ROBO3: variants seen among roughly 807,000 people sequenced by gnomAD.
ROBO3 encodes roundabout guidance receptor 3.
In ROBO3, 97 loss-of-function variants were observed where a neutral mutation model predicts 160.5. The observed-to-expected ratio is 0.60, with a 90% CI of 0.51 to 0.72. ROBO3 has a LOEUF of 0.72. Among genes scored for constraint, ROBO3 ranks in the 30% least tolerant of loss-of-function variants. The probability of loss-of-function intolerance (pLI) is 0.00; values close to 1 mark genes in which losing one functional copy is unlikely to be tolerated. For synonymous variants in ROBO3, 780 were observed against 746.2 expected, an observed-to-expected ratio of 1.05 and a Z score of -0.74; for missense variants, 1,858 against 1,846.5, an observed-to-expected ratio of 1.01 and a Z score of -0.11.
In ROBO3 at chr11:124,878,119, C is replaced by G; in HGVS notation, c.3169C>G (p.Gln1057Glu). The G allele has an allele frequency of 6.2e-7, 1 of 1,606,470 alleles. No homozygotes were observed. The highest frequency in any genetic ancestry group is 8.5e-7 in the Non-Finnish European group (1 of 1,177,034). ...WSQYAPPEWSQGDSGAKGGKV... is the reference protein window; with the variant it reads ...WSQYAPPEWSEGDSGAKGGKV... ...CCAGTACGCTCCTCCAGAGTGGAGC[C>G]AGGGGGACAGTGGTATGACTCCAAC... Residue 1057 changes from glutamine to glutamate, a missense_variant, in exon 21 of 28, where the codon CAG becomes GAG. By Grantham distance (29) the Gln-to-Glu change is conservative. Coordinates refer to ENST00000397801, the MANE Select transcript of ROBO3 (RefSeq NM_022370.4). The surrounding 1 kb of genome is among the most constrained non-coding windows in gnomAD (Gnocchi z 4.3).
At position 124,865,490 on chromosome 11, in the gene ROBO3, T is replaced by C. The variant is rs1946184536; in HGVS notation, c.-88T>C. ...TGGCTGCCGCAGCGCGCAGAGGCTGTGGAGGGGCTTACGGCTCCCAGCCCA... is the reference window on the plus strand; with the variant it reads ...TGGCTGCCGCAGCGCGCAGAGGCTGCGGAGGGGCTTACGGCTCCCAGCCCA... On this transcript the variant is annotated 5_prime_UTR_variant, in exon 1 of 28. Coordinates refer to ENST00000397801, the MANE Select transcript of ROBO3 (RefSeq NM_022370.4). The surrounding 1 kb of genome is among the most constrained non-coding windows in gnomAD (Gnocchi z 5.5). 5 of 1,383,122 alleles carry C rather than the reference T, an allele frequency of 3.6e-6. No individual in the cohort carries two copies. Among genetic ancestry groups the C allele is most frequent in the Non-Finnish European group, 5.0e-6 (5 of 1,008,276 alleles). 85.7% of individuals were successfully genotyped at this position (1,383,122 alleles called of 1,614,324 possible).
In ROBO3 at chr11:124,877,253, C is replaced by T. The variant is rs1946407234; in HGVS notation, c.2804-14C>T. 1.4e-5 allele frequency: 22 copies of T among 1,613,958 alleles called. No homozygotes were observed. Among genetic ancestry groups the T allele is most frequent in the Non-Finnish European group, 1.8e-5 (21 of 1,179,870 alleles). On this transcript the variant is annotated splice_polypyrimidine_tract_variant and intron_variant, in intron 18 of 27. Transcript: ENST00000397801. Reference sequence around the variant, plus strand: ...GGCCCTTCTCTCACTCATTCGCCCCCTCATTTTCCCCAGTGTCCTTCCCGC... The same window carrying T: ...GGCCCTTCTCTCACTCATTCGCCCCTTCATTTTCCCCAGTGTCCTTCCCGC...
rs1946263779 is a variant in ROBO3 at position 124,870,290 on chromosome 11, C to T, written c.892C>T (p.Leu298=). ...ACGCTGGCGCAAGGAGGATGGGGAA[C>T]TGCCCACAGGCAGGTGAGAGACCCC... ...RLRWRKEDGE[L]PTGRYEIRSD... Residue 298 remains leucine, a synonymous_variant, in exon 5 of 28, where the codon CTG becomes TTG. Transcript: ENST00000397801. 6.2e-7 allele frequency: 1 copy of T among 1,613,856 alleles called. No homozygotes were observed. Among genetic ancestry groups the T allele is most frequent in the African/African-American group, 1.3e-5 (1 of 75,058 alleles).
At chr11:124,868,404 C>T (rs796757636) in intron 1 of ROBO3, 40 of 515,312 alleles carry the variant, frequency 7.8e-5, no homozygotes, top group African/African-American at 4.9e-4. Context: ...TGAGCAAGGA[C>T]GATCCGTGAA....
At position 124,873,922 on chromosome 11, in the gene ROBO3, T is replaced by C; in HGVS notation, c.1784+60T>C. On this transcript the variant is annotated intron_variant, in intron 11 of 27. Coordinates refer to ENST00000397801, the MANE Select transcript of ROBO3 (RefSeq NM_022370.4). The surrounding 1 kb of genome is among the most constrained non-coding windows in gnomAD (Gnocchi z 4.5). ...TTAAAAGGAGGGGATCCTATGCCCT[T>C]AGGGTCTTTGCTATTGTGAGGTGGG... is the stretch of plus-strand genomic sequence containing the variant. The C allele has an allele frequency of 6.2e-7, 1 of 1,601,590 alleles. No individual in the cohort carries two copies. The highest frequency in any genetic ancestry group is 8.5e-7 in the Non-Finnish European group (1 of 1,169,958).
chr11:124,872,414 A>T lies in ROBO3; in HGVS notation c.1192A>T (p.Thr398Ser). ...TTTCCCCAGTCAGTCACTTCAGCCG[A>T]CGGGGCGCTTCTCAGTGTCTCCAAG... Reference protein sequence around the residue: ...LLFPSQSLQPTGRFSVSPRGQ... With the variant: ...LLFPSQSLQPSGRFSVSPRGQ... The change falls in exon 8 of 28, where the codon ACG becomes TCG. Residue 398 changes from threonine to serine, a missense_variant. Thr to Ser is a moderately conservative substitution (Grantham distance 58). Coordinates refer to ENST00000397801, the MANE Select transcript of ROBO3 (RefSeq NM_022370.4). This position sits in a 1 kb window ranked among gnomAD's most constrained non-coding sequence, Gnocchi z 4.3. 6.2e-7 allele frequency: 1 copy of T among 1,613,890 alleles called. No individual in the cohort carries two copies. The highest frequency in any genetic ancestry group is 1.1e-5 in the South Asian group (1 of 91,062).
chr11:124,874,350 G>C, intron 12 of ROBO3, 114 bp downstream of exon 12: 1 of 972,542 alleles, frequency 1.0e-6, no homozygotes, highest in Non-Finnish European at 1.5e-6. Context: ...GCTATGCCAG[G>C]TCTATACTGG....
Position 124,872,513 on chromosome 11 carries a change from G to T in ROBO3, c.1291G>T (p.Gly431Cys). ...CGTGTGCCAGGCTGTCAGTGTGGCTGGCAGCATCCTGGCCAAGGCCCTGCT... is the reference window on the plus strand; with the variant it reads ...CGTGTGCCAGGCTGTCAGTGTGGCTTGCAGCATCCTGGCCAAGGCCCTGCT... ...YYVCQAVSVA[G>C]SILAKALLEI... The change falls in exon 8 of 28, where the codon GGC (glycine) becomes TGC (cysteine). Residue 431 changes from glycine to cysteine, a missense_variant. Gly to Cys is a radical substitution (Grantham distance 159). Transcript: ENST00000397801. The surrounding 1 kb of genome is among the most constrained non-coding windows in gnomAD (Gnocchi z 4.3). 6.2e-7 allele frequency: 1 copy of T among 1,613,970 alleles called. No homozygotes were observed. The highest frequency in any genetic ancestry group is 8.5e-7 in the Non-Finnish European group (1 of 1,179,860).
intron 4 of ROBO3, 46 bp from the exon 5 acceptor site, chr11:124,870,119 G>A: frequency 6.2e-7 from 1 of 1,614,016 alleles, no homozygotes; most frequent in Non-Finnish European, 8.5e-7. Flanking sequence ...TGCAGAGTAA[G>A]TAGCCGTGCA....
Position 124,874,864 on chromosome 11 carries a change from G to A in ROBO3, c.2028G>A (p.Gln676=). The change falls in exon 13 of 28, where the codon CAG becomes CAA. Residue 676 remains glutamine (Q), a synonymous_variant. Transcript: ENST00000397801. The part of the protein sequence containing the change: ...QGLAEVAVRL[Q]EPIVLGPRTL... ...TGGCGGAAGTGGCTGTGCGCCTGCA[G>A]GAGCCCATAGTCCTGGGACCCCGGA... The A allele has an allele frequency of 6.2e-7, 1 of 1,601,916 alleles. No individual in the cohort carries two copies.
chr11:124,874,952 T>C, intron 13 of ROBO3, 43 bp downstream of exon 13: 2 of 1,582,144 alleles, frequency 1.3e-6, no homozygotes, highest in South Asian at 2.3e-5. Context: ...GGGATGATTA[T>C]GAGGCACATG....
In ROBO3 at chr11:124,878,905, A is replaced by G. The variant is rs1946480653; in HGVS notation, c.3533+109A>G. 7.1e-6 allele frequency: 7 copies of G among 990,010 alleles called. No individual in the cohort carries two copies. Among genetic ancestry groups the G allele is most frequent in the Non-Finnish European group, 1.1e-5 (7 of 664,458 alleles). 61.3% of individuals were successfully genotyped at this position (990,010 alleles called of 1,614,324 possible). On this transcript the variant is annotated intron_variant, in intron 23 of 27. Coordinates refer to ENST00000397801, the MANE Select transcript of ROBO3 (RefSeq NM_022370.4). The surrounding 1 kb of genome is among the most constrained non-coding windows in gnomAD (Gnocchi z 4.3). ...ATGGGTGGATGGATCTGGGGTACAGAGGTCTCAGGGCTGTGTCAGGGTGGA... is the reference window on the plus strand; with the variant it reads ...ATGGGTGGATGGATCTGGGGTACAGGGGTCTCAGGGCTGTGTCAGGGTGGA...
rs1280084157 is a variant in ROBO3, at chr11:124,865,711, T to G, written c.134T>G (p.Leu45Arg). 5.0e-6 allele frequency: 8 copies of G among 1,610,464 alleles called. No homozygotes were observed. The highest frequency in any genetic ancestry group is 6.8e-6 in the Non-Finnish European group (8 of 1,178,844). ...CTGGCGGCGCTCAACCACACCCTGC[T>G]GCCTCCCGGCGATCCCTCTCTCAAC... ...SSLAALNHTLLPPGDPSLNGS... is the reference protein window; with the variant it reads ...SSLAALNHTLRPPGDPSLNGS... The change falls in exon 1 of 28, where the codon CTG (leucine) becomes CGG (arginine). Residue 45 changes from leucine (L) to arginine (R), a missense_variant. By Grantham distance (102) the Leu-to-Arg change is moderately radical. Coordinates refer to ENST00000397801, the MANE Select transcript of ROBO3 (RefSeq NM_022370.4). This position sits in a 1 kb window ranked among gnomAD's most constrained non-coding sequence, Gnocchi z 5.5.
In ROBO3 at chr11:124,870,280, G is replaced by C. The variant is rs764246533; in HGVS notation, c.882G>C (p.Glu294Asp). 1.2e-6 allele frequency: 2 copies of C among 1,613,980 alleles called. No individual in the cohort carries two copies. The highest frequency in any genetic ancestry group is 1.7e-6 in the Non-Finnish European group (2 of 1,179,858). The change falls in exon 5 of 28, where the codon GAG (glutamate) becomes GAC (aspartate). Residue 294 changes from glutamate (E) to aspartate (D), a missense_variant. Glu to Asp is a conservative substitution (Grantham distance 45, BLOSUM62 2). Transcript: ENST00000397801. ...CACCTCGTCTACGCTGGCGCAAGGAGGATGGGGAACTGCCCACAGGCAGGT... is the reference window on the plus strand; with the variant it reads ...CACCTCGTCTACGCTGGCGCAAGGACGATGGGGAACTGCCCACAGGCAGGT... ...DPPPRLRWRK[E>D]DGELPTGRYE...
Position 124,869,538 on chromosome 11 carries a change from C to A in ROBO3, c.576C>A (p.Gly192=). 6.4e-7 allele frequency: 1 copy of A among 1,563,776 alleles called. No homozygotes were observed. ...PAVLECVPPR[G]HPEPSVSWRK... is the part of the protein sequence containing the mutation. ...TACTGGAATGCGTGCCCCCCCGCGGCCACCCGGAGCCTTCCGTGTCCTGGA... is the reference window on the plus strand; with the variant it reads ...TACTGGAATGCGTGCCCCCCCGCGGACACCCGGAGCCTTCCGTGTCCTGGA... The change falls in exon 3 of 28, where the codon GGC becomes GGA. Residue 192 remains glycine, a synonymous_variant. Coordinates refer to ENST00000397801, the MANE Select transcript of ROBO3 (RefSeq NM_022370.4). The surrounding 1 kb of genome is among the most constrained non-coding windows in gnomAD (Gnocchi z 4.2).
Position 124,877,192 on chromosome 11 carries a change from ATC to A in ROBO3, c.2803+12_2803+13del. On this transcript the variant is annotated intron_variant, in intron 18 of 27. Transcript: ENST00000397801. ...TTGCCTACACACCGGCAGGTAAGCC[ATC>A]TCTGCCCCAGTGGGGTTCAGACCCC... 6.2e-7 allele frequency: 1 copy of A among 1,613,786 alleles called. No homozygotes were observed. Among genetic ancestry groups the A allele is most frequent in the Non-Finnish European group, 8.5e-7 (1 of 1,179,792 alleles).
rs1442414568 is a variant in ROBO3, at chr11:124,865,977, C to G, written c.160+240C>G. The stretch of plus-strand genomic sequence containing the variant: ...CTACTGAGTCTTTTTACACCTCCTT[C>G]CCTTCCCCTACAACGCCCACCCCAG... On this transcript the variant is annotated intron_variant, in intron 1 of 27. Coordinates refer to ENST00000397801, the MANE Select transcript of ROBO3 (RefSeq NM_022370.4). The surrounding 1 kb of genome is among the most constrained non-coding windows in gnomAD (Gnocchi z 5.5). 6.6e-6 allele frequency among the ~76,000 whole-genome samples: 1 copy of G among 152,206 alleles called. No individual in the cohort carries two copies. Among genetic ancestry groups the G allele is most frequent in the Admixed American group, 6.5e-5 (1 of 15,290 alleles).
At position 124,870,300 on chromosome 11, in the gene ROBO3, G is replaced by T; in HGVS notation, c.902G>T (p.Gly301Val). 1 of 1,613,282 alleles carries T rather than the reference G, an allele frequency of 6.2e-7. No homozygotes were observed. The highest frequency in any genetic ancestry group is 2.2e-5 in the East Asian group (1 of 44,872). The change falls in exon 5 of 28, where the codon GGC becomes GTC. Residue 301 changes from glycine to valine, a missense_variant. Gly to Val is a moderately radical substitution (Grantham distance 109). Coordinates refer to ENST00000397801, the MANE Select transcript of ROBO3 (RefSeq NM_022370.4). ...WRKEDGELPT[G>V]RYEIRSDHSL... is the part of the protein sequence containing the mutation. ...AAGGAGGATGGGGAACTGCCCACAG[G>T]CAGGTGAGAGACCCCCTTCTGCCTG... is the stretch of plus-strand genomic sequence containing the variant.
At chr11:124,874,012 A>C (rs1240209057) in intron 11 of ROBO3, 58 bp from the exon 12 acceptor site, 1 of 1,604,542 alleles carries the variant, frequency 6.2e-7, no homozygotes, top group East Asian at 2.2e-5. Context: ...GATGAGATGG[A>C]GTAGGCAGGT....
Sources: allele counts gnomAD v4.1 joint callset (sites outside exome capture counted in the v4.1 genomes callset), GRCh38; gene constraint gnomAD v4.1.1; non-coding constraint Gnocchi (gnomAD v3.1); transcripts MANE v1.5; gene names NCBI Gene and HGNC (gene_info 2026-07-23, HGNC 2026-07-21).